GTF2F2: variants seen among roughly 807,000 people sequenced by gnomAD.
GTF2F2 encodes general transcription factor IIF subunit 2.
In GTF2F2, 23 loss-of-function variants were observed where a neutral mutation model predicts 42.2. The observed-to-expected ratio is 0.55, with a 90% confidence interval of 0.39 to 0.77. The LOEUF (loss-of-function observed/expected upper bound fraction) is 0.77, where lower values mean the gene tolerates loss of function less well. Ranked by LOEUF, GTF2F2 falls within the 30% of genes least tolerant of loss-of-function variation. The pLI is 0.00. For missense variants in GTF2F2, 261 were observed against 287.2 expected (o/e 0.91, Z 0.66); for synonymous variants, 105 against 100.8 (o/e 1.04, Z -0.25).
chr13:45,225,611 CAAA>C (rs35637992), intron 5 of GTF2F2, among the ~76,000 whole-genome samples: 1 of 65,532 alleles, frequency 1.5e-5, no homozygotes, highest in Non-Finnish European at 3.4e-5. Flanking sequence ...AGCTCTGTCT[CAAA>C]AAAAAAAAAA....
intron 2 of GTF2F2, among the ~76,000 whole-genome samples, chr13:45,140,301 A>G (rs942545913): frequency 1.3e-5 from 2 of 152,120 alleles, no homozygotes; most frequent in Non-Finnish European, 2.9e-5. Context: ...ACGAATATTG[A>G]CCACTCAGAT....
intron 6 of GTF2F2, among the ~76,000 whole-genome samples, chr13:45,258,172 C>A (rs1419545795): frequency 6.6e-6 from 1 of 151,918 alleles, no homozygotes; most frequent in Non-Finnish European, 1.5e-5. Context: ...TATGGCTTGT[C>A]ATGCCCTGTC....
intron 4 of GTF2F2, among the ~76,000 whole-genome samples, chr13:45,162,932 C>G (rs2138134028): frequency 8.3e-6 from 1 of 120,390 alleles, no homozygotes; most frequent in East Asian, 3.1e-4. Flanking sequence ...CCCCCCACCC[C>G]CTAACCCTTA....
chr13:45,279,396 G>T (rs554456588), intron 7 of GTF2F2, among the ~76,000 whole-genome samples: 1 of 152,148 alleles, frequency 6.6e-6, no homozygotes, highest in Admixed American at 6.5e-5. Flanking sequence ...TCAAATTCAC[G>T]TAGTACAGTT....
At chr13:45,138,736 C>T (rs1341476166) in intron 2 of GTF2F2, among the ~76,000 whole-genome samples, 1 of 152,188 alleles carries the variant, frequency 6.6e-6, no homozygotes, top group Non-Finnish European at 1.5e-5. Context: ...TCCTCTGCCT[C>T]CCGGGTTCAA....
intron 7 of GTF2F2, among the ~76,000 whole-genome samples, chr13:45,279,537 C>T (rs188564705): frequency 6.6e-6 from 1 of 152,290 alleles, no homozygotes; most frequent in Admixed American, 6.5e-5. Flanking sequence ...CTCTTAGCTG[C>T]CTTGTTAGTC....
At chr13:45,165,097 T>C (rs1871214037) in intron 4 of GTF2F2, among the ~76,000 whole-genome samples, 1 of 152,018 alleles carries the variant, frequency 6.6e-6, no homozygotes, top group African/African-American at 2.4e-5. Flanking sequence ...TTTTATTTGC[T>C]ATGATGAGCA....
intron 5 of GTF2F2, among the ~76,000 whole-genome samples, chr13:45,231,950 G>T (rs1381865152): frequency 6.6e-6 from 1 of 152,170 alleles, no homozygotes; most frequent in Non-Finnish European, 1.5e-5. Context: ...CCTGCAGTTT[G>T]ACATGATATG....
intron 6 of GTF2F2, among the ~76,000 whole-genome samples, chr13:45,255,455 A>C (rs1876065904): frequency 6.6e-6 from 1 of 152,228 alleles, no homozygotes; most frequent in Admixed American, 6.5e-5. Flanking sequence ...TAAAAGTTCA[A>C]CTGCATTCAG....
chr13:45,212,512 C>T (rs1042543297), intron 5 of GTF2F2, among the ~76,000 whole-genome samples: 11 of 71,910 alleles, frequency 1.5e-4, no homozygotes, highest in African/African-American at 1.8e-4. Context: ...TCTTTCTTTT[C>T]TTTCTTTCTC....
chr13:45,202,941 G>A (rs879943861), intron 4 of GTF2F2, among the ~76,000 whole-genome samples: 2 of 152,176 alleles, frequency 1.3e-5, no homozygotes, highest in Non-Finnish European at 2.9e-5. Context: ...CAGCCTGGGT[G>A]ACAGAGTGAG....
intron 5 of GTF2F2, among the ~76,000 whole-genome samples, chr13:45,230,803 G>T (rs968016059): frequency 3.3e-5 from 5 of 152,124 alleles, no homozygotes; most frequent in Non-Finnish European, 4.4e-5. Flanking sequence ...TAAAATGTAA[G>T]AATATCTTTT....
At chr13:45,253,425 C>G (rs1018061206) in intron 6 of GTF2F2, among the ~76,000 whole-genome samples, 1 of 152,082 alleles carries the variant, frequency 6.6e-6, no homozygotes, top group African/African-American at 2.4e-5. Context: ...TTATTAAGAT[C>G]ACTTTGCCTG....
At chr13:45,226,745 A>G (rs1413093105) in intron 5 of GTF2F2, among the ~76,000 whole-genome samples, 80 of 152,320 alleles carry the variant, frequency 5.3e-4, no homozygotes, top group Admixed American at 5.2e-3. Context: ...TAATCTTCCC[A>G]TTCAAAAACA....
intron 1 of GTF2F2, among the ~76,000 whole-genome samples, chr13:45,135,200 C>T (rs1378790283): frequency 1.3e-5 from 2 of 151,988 alleles, no homozygotes; most frequent in African/African-American, 2.4e-5. Context: ...GTGATCTGCC[C>T]GCCTTGGCCT....
chr13:45,226,310 A>T (rs528179627), intron 5 of GTF2F2, among the ~76,000 whole-genome samples: 1 of 152,170 alleles, frequency 6.6e-6, no homozygotes, highest in Admixed American at 6.5e-5. Context: ...GCTACCTCTT[A>T]ACTTAACTTT....
At chr13:45,201,255 T>G (rs970944080) in intron 4 of GTF2F2, among the ~76,000 whole-genome samples, 5 of 152,230 alleles carry the variant, frequency 3.3e-5, no homozygotes, top group African/African-American at 1.2e-4. Context: ...GGCAGGATAA[T>G]CCAGCATAGA....
At chr13:45,194,626 C>A in intron 4 of GTF2F2, 1 of 1,428,534 alleles carries the variant, frequency 7.0e-7, no homozygotes, top group Non-Finnish European at 9.6e-7. Context: ...TAAAAAGAGA[C>A]ACTACCACAC....
intron 5 of GTF2F2, among the ~76,000 whole-genome samples, chr13:45,228,669 C>CTTTT (rs57570023): frequency 1.8e-5 from 2 of 108,300 alleles, no homozygotes; most frequent in Non-Finnish European, 3.5e-5. Flanking sequence ...CAGAGTTAAT[C>CTTTT]TTTTTTTTTT....
Sources: allele counts gnomAD v4.1 joint callset (sites outside exome capture counted in the v4.1 genomes callset), GRCh38; gene constraint gnomAD v4.1.1; transcripts MANE v1.5; gene names NCBI Gene and HGNC (gene_info 2026-07-23, HGNC 2026-07-21).